The following ACOXL variants were observed in gnomAD, a reference collection of about 807,000 sequenced individuals.
ACOXL encodes acyl-CoA oxidase like.
ACOXL carries 70 observed loss-of-function variants against 71.9 expected under a neutral mutation model. The observed-to-expected ratio is 0.97, with a 90% CI of 0.80 to 1.19. ACOXL has a LOEUF of 1.19. Ranked by LOEUF, ACOXL falls within the 50% of genes most tolerant of loss-of-function variation. The pLI is 0.00. For missense variants in ACOXL, 703 were observed against 736.3 expected, an observed-to-expected ratio of 0.95 and a Z score of 0.52; for synonymous variants, 253 against 281.6, an observed-to-expected ratio of 0.90 and a Z score of 1.02.
At chr2:111,042,770 C>A (rs2149798640) in intron 15 of ACOXL, among the ~76,000 whole-genome samples, 1 of 152,278 alleles carries the variant, frequency 6.6e-6, no homozygotes, top group Non-Finnish European at 1.5e-5. Flanking sequence ...CACCAGGACT[C>A]CCTGGAGGGA....
chr2:110,904,107 C>T (rs900556), intron 10 of ACOXL, among the ~76,000 whole-genome samples: 2 of 152,028 alleles, frequency 1.3e-5, no homozygotes, highest in South Asian at 2.1e-4. Flanking sequence ...ACTCCCTGCT[C>T]AGTGCTTGGG....
At chr2:110,977,900 T>C (rs1182092130) in intron 12 of ACOXL, among the ~76,000 whole-genome samples, 1 of 152,196 alleles carries the variant, frequency 6.6e-6, no homozygotes, top group African/African-American at 2.4e-5. Flanking sequence ...ATAACAACCA[T>C]ATAACCAGAG....
chr2:110,783,953 C>T (rs930509040), intron 2 of ACOXL, among the ~76,000 whole-genome samples: 5 of 152,252 alleles, frequency 3.3e-5, no homozygotes, highest in South Asian at 2.1e-4. Flanking sequence ...AGAGTGTGTT[C>T]GTATAGCCTT....
At chr2:111,092,828 T>C (rs1294934314) in intron 16 of ACOXL, 37 bp from the exon 17 acceptor site, 1 of 1,397,730 alleles carries the variant, frequency 7.2e-7, no homozygotes, top group Non-Finnish European at 1.0e-6. Flanking sequence ...AATATATTGC[T>C]ATTTGTCCAT....
At chr2:110,976,165 G>A (rs546940265) in intron 12 of ACOXL, among the ~76,000 whole-genome samples, 43 of 152,310 alleles carry the variant, frequency 2.8e-4, no homozygotes, top group African/African-American at 8.7e-4. Context: ...CTGAAAAAAC[G>A]TGGGATTATT....
chr2:111,065,357 A>T (rs1052146247), intron 16 of ACOXL, among the ~76,000 whole-genome samples: 1 of 152,260 alleles, frequency 6.6e-6, no homozygotes, highest in East Asian at 1.9e-4. Context: ...TATGAAATTT[A>T]ACTCAAAATA....
chr2:110,819,388 G>A (rs1688340282), intron 9 of ACOXL, among the ~76,000 whole-genome samples: 1 of 152,206 alleles, frequency 6.6e-6, no homozygotes, highest in African/African-American at 2.4e-5. Context: ...GTTTAGGGAA[G>A]GAAGTGTGGG....
intron 14 of ACOXL, among the ~76,000 whole-genome samples, chr2:110,997,572 G>T (rs1243519787): frequency 6.6e-6 from 1 of 152,108 alleles, no homozygotes; most frequent in Admixed American, 6.5e-5. Context: ...ACAGCCAATG[G>T]AAAGATATTT....
At chr2:110,922,225 G>A (rs1328421785) in intron 11 of ACOXL, among the ~76,000 whole-genome samples, 1 of 151,872 alleles carries the variant, frequency 6.6e-6, no homozygotes, top group Non-Finnish European at 1.5e-5. Context: ...TTTGGTTGTT[G>A]TTTTGGTGCA....
rs1321707099 is a variant in ACOXL, at chr2:111,059,842, AGAG to A, written c.1440+10558_1440+10560del. Among the ~76,000 whole-genome samples the A allele has an allele frequency of 2.4e-4, 37 of 151,054 alleles. 1 individual carries two copies. The highest frequency in any genetic ancestry group is 4.2e-4 in the South Asian group (2 of 4,770). ...AGGAAGAGGAAGAGAGAAAGGAAGA[AGAG>A]GAGAAGAAGAGGAGGTAAATGAGGA... On this transcript the variant is annotated intron_variant, in intron 16 of 17. Transcript: ENST00000439055.
intron 1 of ACOXL, among the ~76,000 whole-genome samples, chr2:110,755,031 A>ATC (rs768618592): frequency 7.3e-5 from 11 of 151,286 alleles, no homozygotes; most frequent in East Asian, 5.8e-4. Context: ...TCCTAGAGAG[A>ATC]TCTCTCTCTC....
chr2:110,783,441 C>T (rs1298479728), intron 2 of ACOXL, among the ~76,000 whole-genome samples: 1 of 152,126 alleles, frequency 6.6e-6, no homozygotes, highest in Non-Finnish European at 1.5e-5. Flanking sequence ...TAAATCTTGA[C>T]AGCCTGCTGT....
chr2:111,079,762 G>A (rs996854306), intron 16 of ACOXL, among the ~76,000 whole-genome samples: 3 of 151,444 alleles, frequency 2.0e-5, no homozygotes, highest in Admixed American at 6.6e-5. Flanking sequence ...AGAGATGGGG[G>A]AAGTCATCTC....
At chr2:110,894,865 T>G (rs1332532875) in intron 10 of ACOXL, among the ~76,000 whole-genome samples, 1 of 152,142 alleles carries the variant, frequency 6.6e-6, no homozygotes, top group African/African-American at 2.4e-5. Flanking sequence ...ACTTGGGTAA[T>G]AGAGAACAAG....
intron 17 of ACOXL, chr2:111,093,370 G>A: frequency 7.5e-7 from 1 of 1,324,554 alleles, no homozygotes; most frequent in Non-Finnish European, 1.1e-6. Flanking sequence ...TAGCTACGGA[G>A]CACCTGAAAA....
chr2:110,855,905 A>G (rs1693176625), intron 10 of ACOXL, among the ~76,000 whole-genome samples: 1 of 152,198 alleles, frequency 6.6e-6, no homozygotes, highest in African/African-American at 2.4e-5. Context: ...AGGGGACCCC[A>G]GCGGGTTGCC....
At chr2:111,063,534 A>T (rs1264518564) in intron 16 of ACOXL, among the ~76,000 whole-genome samples, 7 of 152,228 alleles carry the variant, frequency 4.6e-5, no homozygotes, top group African/African-American at 1.7e-4. Context: ...TCACATTATC[A>T]TTCCAATTGA....
chr2:110,995,498 T>TAAA (rs1157308860), intron 13 of ACOXL, among the ~76,000 whole-genome samples: 4 of 2,808 alleles, frequency 1.4e-3, no homozygotes, highest in Non-Finnish European at 2.2e-3. Context: ...AGACTCTGTC[T>TAAA]CAAAAAAAAA....
Position 111,071,255 on chromosome 2 carries a change from A to G in ACOXL, c.1441-21610A>G, listed in dbSNP as rs191659579. ...GGATCAAAGAAAAAGACCCACTAAG[A>G]TGAACATCCCCCCTCTTGCCCCATT... is the stretch of plus-strand genomic sequence containing the variant. On this transcript the variant is annotated intron_variant, in intron 16 of 17. Coordinates refer to ENST00000439055, the MANE Select transcript of ACOXL (RefSeq NM_001142807.4). Among the ~76,000 whole-genome samples the G allele has an allele frequency of 1.2e-4, 19 of 152,308 alleles. No individual in the cohort carries two copies. In the East Asian group the frequency reaches 2.9e-3, roughly 23 times the overall value.
Sources: gnomAD v4.1 joint callset for allele counts (sites outside exome capture counted in the v4.1 genomes callset) on GRCh38, gnomAD v4.1.1 for gene constraint, MANE v1.5 for transcripts, NCBI Gene and HGNC (gene_info 2026-07-23, HGNC 2026-07-21) for gene names.